The following SYNRG variants were observed in gnomAD, a reference collection of about 807,000 sequenced individuals.
SYNRG encodes the protein synergin gamma, also known as AP1 gamma subunit binding protein 1.
A neutral mutation model predicts 130.9 loss-of-function variants in SYNRG; 37 were observed. That is an observed-to-expected ratio of 0.28 (90% confidence interval 0.22 to 0.37). SYNRG has a LOEUF of 0.37. Among genes scored for constraint, SYNRG ranks in the 10% least tolerant of loss-of-function variants. The probability of loss-of-function intolerance (pLI) is 1.00; values close to 1 mark genes in which losing one functional copy is unlikely to be tolerated. For missense variants in SYNRG, 1,338 were observed against 1,588.9 expected (o/e 0.84, Z 2.68); for synonymous variants, 539 against 568.1 (o/e 0.95, Z 0.73).
chr17:37,539,493 C>A (rs549339105), intron 16 of SYNRG, among the ~76,000 whole-genome samples: 5 of 152,270 alleles, frequency 3.3e-5, no homozygotes, highest in African/African-American at 1.2e-4. Context: ...ACCTCAGCCT[C>A]CAGAGCAGCT....
At position 37,561,788 on chromosome 17, in the gene SYNRG, CA is replaced by C. The variant is rs975532494; in HGVS notation, c.1482-200del. On this transcript the variant is annotated intron_variant, in intron 11 of 21. Transcript: ENST00000612223. ...TCCTTTTTCAAAAAACAAAACAAAA[CA>C]AAAAACATTACCCAAACAATCATTT... is the stretch of plus-strand genomic sequence containing the variant. 1.2e-4 allele frequency among the ~76,000 whole-genome samples: 18 copies of C among 150,768 alleles called. No homozygotes were observed. In the East Asian group the frequency reaches 2.7e-3, roughly 23 times the overall value.
intron 8 of SYNRG, among the ~76,000 whole-genome samples, chr17:37,572,382 C>T (rs1007484958): frequency 6.6e-5 from 10 of 151,078 alleles, no homozygotes; most frequent in African/African-American, 1.2e-4. Context: ...GCTAAGATCA[C>T]GACTCTGCAC....
At chr17:37,540,926 G>A (rs980808252) in intron 15 of SYNRG, 44 of 997,274 alleles carry the variant, frequency 4.4e-5, no homozygotes, top group Middle Eastern at 5.1e-4. Context: ...GAGCCACCGC[G>A]CCCAGCCCAC....
intron 13 of SYNRG, 135 bp from the exon 14 acceptor site, chr17:37,554,194 C>A (rs965335434): frequency 2.7e-6 from 2 of 738,634 alleles, no homozygotes; most frequent in South Asian, 2.1e-5. Flanking sequence ...TGTTTACATA[C>A]TTTAAACCCT....
Position 37,596,259 on chromosome 17 carries a change from G to A in SYNRG, c.204C>T (p.Tyr68=), listed in dbSNP as rs768238221. 6.2e-7 allele frequency: 1 copy of A among 1,614,158 alleles called. No individual in the cohort carries two copies. Among genetic ancestry groups the A allele is most frequent in the Non-Finnish European group, 8.5e-7 (1 of 1,179,992 alleles). Residue 68 remains tyrosine (Y), a synonymous_variant, in exon 3 of 22, where the codon TAC becomes TAT. Coordinates refer to ENST00000612223, the MANE Select transcript of SYNRG (RefSeq NM_007247.6). The stretch of plus-strand genomic sequence containing the variant: ...TAGGTCCTTGGGACATCTGAGAGCT[G>A]TAATTCATTCCCATAATGCCTTGCA... The part of the protein sequence containing the change: ...PNMQGIMGMN[Y]SSQMSQGPIA...
At chr17:37,608,371 A>C (rs1216601587) in intron 1 of SYNRG, among the ~76,000 whole-genome samples, 1 of 152,250 alleles carries the variant, frequency 6.6e-6, no homozygotes, top group African/African-American at 2.4e-5. Flanking sequence ...TTTTACCTCC[A>C]AATGTGTGTG....
chr17:37,600,336 A>T, intron 2 of SYNRG, 27 bp downstream of exon 2: 1 of 1,559,022 alleles, frequency 6.4e-7, no homozygotes, highest in Non-Finnish European at 8.6e-7. Context: ...TGAAAAATAA[A>T]AGTTCAAAAC....
intron 1 of SYNRG, among the ~76,000 whole-genome samples, chr17:37,608,986 G>GCCCCCCCCCCCCCC (rs149268463): frequency 5.6e-5 from 6 of 107,008 alleles, no homozygotes; most frequent in African/African-American, 1.1e-4. Flanking sequence ...GATTTGCCCC[G>GCCCCCCCCCCCCCC]CCCCCCCCCA....
At chr17:37,561,711 G>C in intron 11 of SYNRG, 122 bp from the exon 12 acceptor site, 1 of 649,768 alleles carries the variant, frequency 1.5e-6, no homozygotes, top group Non-Finnish European at 2.7e-6. Flanking sequence ...TGCTTTAAAA[G>C]TTAGAAAACT....
chr17:37,535,865 G>T, intron 19 of SYNRG, 114 bp downstream of exon 19: 2 of 1,375,898 alleles, frequency 1.5e-6, no homozygotes, highest in Non-Finnish European at 2.0e-6. Context: ...AATATAACAT[G>T]CTCCAGTTGG....
At chr17:37,520,486 G>C in intron 20 of SYNRG, 52 bp downstream of exon 20, 2 of 1,544,740 alleles carry the variant, frequency 1.3e-6, no homozygotes, top group South Asian at 1.1e-5. Flanking sequence ...AGGTTGTCCA[G>C]AGTCATGTTA....
chr17:37,609,234 C>G, intron 1 of SYNRG, 45 bp downstream of exon 1: 1 of 1,392,350 alleles, frequency 7.2e-7, no homozygotes, highest in Non-Finnish European at 9.3e-7. Flanking sequence ...CCCCTCGCCG[C>G]CCCCGCGGAG....
chr17:37,525,678 C>T (rs568938355), intron 19 of SYNRG, among the ~76,000 whole-genome samples: 10 of 152,064 alleles, frequency 6.6e-5, no homozygotes, highest in East Asian at 5.8e-4. Context: ...ACTAAAAATA[C>T]AAAAAAATGC....
rs1308726560 is a variant in SYNRG at position 37,517,908 on chromosome 17, T to A, written c.*1032A>T. Reference sequence around the variant, plus strand: ...CTCCAGGAAGCATGAGCCTTTTCTATCTAAAATTCAGTACTGTTTCTGGAC... The same window carrying A: ...CTCCAGGAAGCATGAGCCTTTTCTAACTAAAATTCAGTACTGTTTCTGGAC... On this transcript the variant is annotated 3_prime_UTR_variant, in exon 22 of 22. Transcript: ENST00000612223. 6.6e-6 allele frequency: 1 copy of A among 152,224 alleles called. No homozygotes were observed. The highest frequency in any genetic ancestry group is 2.4e-5 in the African/African-American group (1 of 41,460). 9.4% of individuals were successfully genotyped at this position (152,224 alleles called of 1,614,324 possible). A position where few individuals can be genotyped will look rare whatever the true frequency, so the allele number is the denominator to read the frequency against.
chr17:37,605,714 T>C, intron 1 of SYNRG: 2 of 665,404 alleles, frequency 3.0e-6, no homozygotes, highest in Non-Finnish European at 3.7e-6. Flanking sequence ...AGTAAAAGCT[T>C]GGCAAAAAAC....
chr17:37,608,552 T>A (rs1407364950), intron 1 of SYNRG, among the ~76,000 whole-genome samples: 3 of 152,196 alleles, frequency 2.0e-5, no homozygotes, highest in African/African-American at 7.2e-5. Flanking sequence ...TTGGCTGAAA[T>A]GTGGCAGAGG....
chr17:37,560,338 AT>A (rs879738491), intron 13 of SYNRG, among the ~76,000 whole-genome samples: 413 of 136,560 alleles, frequency 3.0e-3, no homozygotes, highest in African/African-American at 3.9e-3. Flanking sequence ...AGCACCTATC[AT>A]TTTTTTTTTT....
Position 37,525,499 on chromosome 17 carries a change from C to T in SYNRG, c.3667-4851G>A, listed in dbSNP as rs1291472281. Reference sequence around the variant, plus strand: ...CTTCCCTGCCCCTTTTTCAATCAGGCATTGGCCTGTAACTTGCCACAGTCA... The same window carrying T: ...CTTCCCTGCCCCTTTTTCAATCAGGTATTGGCCTGTAACTTGCCACAGTCA... On this transcript the variant is annotated intron_variant, in intron 19 of 21. Coordinates refer to ENST00000612223, the MANE Select transcript of SYNRG (RefSeq NM_007247.6). Among the ~76,000 whole-genome samples the T allele has an allele frequency of 2.6e-5, 4 of 152,308 alleles. No homozygotes were observed. The East Asian group carries it at 7.7e-4, about 29-fold the overall frequency.
chr17:37,592,840 C>A (rs534478848), intron 3 of SYNRG, among the ~76,000 whole-genome samples: 15 of 152,286 alleles, frequency 9.8e-5, no homozygotes, highest in East Asian at 9.6e-4. Context: ...TTCTGTATCT[C>A]AGCTGTGCCA....
Sources: gnomAD v4.1 joint callset for allele counts (sites outside exome capture counted in the v4.1 genomes callset) on GRCh38, gnomAD v4.1.1 for gene constraint, MANE v1.5 for transcripts, NCBI Gene and HGNC (gene_info 2026-07-23, HGNC 2026-07-21) for gene names.